The following IRF5 variants were observed in gnomAD, a reference collection of about 807,000 sequenced individuals.
IRF5 encodes the protein interferon regulatory factor 5.
In IRF5, 24 loss-of-function variants were observed where a neutral mutation model predicts 55.1. The observed-to-expected ratio is 0.44, with a 90% CI of 0.32 to 0.61. The LOEUF (loss-of-function observed/expected upper bound fraction) is 0.61. Ranked by LOEUF, IRF5 falls within the 20% of genes least tolerant of loss-of-function variation. The pLI is 0.07. For synonymous variants in IRF5, 258 were observed against 260.2 expected, an observed-to-expected ratio of 0.99 and a Z score of 0.08; for missense variants, 499 against 658.5, an observed-to-expected ratio of 0.76 and a Z score of 2.65.
At position 128,941,973 on chromosome 7, in the gene IRF5, G is replaced by C. The variant is rs1402452373; in HGVS notation, c.-11-98G>C. The C allele has an allele frequency of 4.6e-6, 4 of 867,172 alleles. No individual in the cohort carries two copies. The East Asian group carries it at 1.1e-4, about 23-fold the overall frequency. 53.7% of individuals were successfully genotyped at this position (867,172 alleles called of 1,614,324 possible). On this transcript the variant is annotated intron_variant, in intron 1 of 8. Transcript: ENST00000357234. ...TGGCCTTAAATACCTAGATGGACTG[G>C]AGAGACCATCCTTTGTGGTCCATAG...
chr7:128,947,390 C>T lies in IRF5; in HGVS notation c.642C>T (p.Ser214=). The stretch of plus-strand genomic sequence containing the variant: ...TGGGTCCCCCTGCTCCAGACCCCAG[C>T]CCCCTGGCTCCTCCCCCTGGCAACC... ...VVLGPPAPDP[S]PLAPPPGNPA... The change falls in exon 6 of 9, where the codon AGC becomes AGT. Residue 214 remains serine, a synonymous_variant. Coordinates refer to ENST00000357234, the MANE Select transcript of IRF5 (RefSeq NM_001098629.3). The surrounding 1 kb of genome is among the most constrained non-coding windows in gnomAD (Gnocchi z 6.5). The T allele has an allele frequency of 6.2e-7, 1 of 1,610,086 alleles. No homozygotes were observed. The highest frequency in any genetic ancestry group is 1.1e-5 in the South Asian group (1 of 90,700).
rs1796408322 is a variant in IRF5, at chr7:128,947,848, G to C, written c.907G>C (p.Glu303Gln). The C allele has an allele frequency of 1.9e-6, 3 of 1,613,960 alleles. No homozygotes were observed. The East Asian group carries it at 6.7e-5, about 36-fold the overall frequency. ...SQLEATQEQVELFGPISLEQV... is the reference protein window; with the variant it reads ...SQLEATQEQVQLFGPISLEQV... The stretch of plus-strand genomic sequence containing the variant: ...GCTGGAGGCCACCCAGGAGCAGGTG[G>C]AACTCTTCGGCCCCATAAGCCTGGA... The change falls in exon 7 of 9, where the codon GAA (glutamate) becomes CAA (glutamine). Residue 303 changes from glutamate to glutamine, a missense_variant. Coordinates refer to ENST00000357234, the MANE Select transcript of IRF5 (RefSeq NM_001098629.3). The surrounding 1 kb of genome is among the most constrained non-coding windows in gnomAD (Gnocchi z 6.5).
Position 128,948,133 on chromosome 7 carries a change from A to C in IRF5, c.1180+12A>C. 1 of 1,613,008 alleles carries C rather than the reference A, an allele frequency of 6.2e-7. No individual in the cohort carries two copies. The highest frequency in any genetic ancestry group is 8.5e-7 in the Non-Finnish European group (1 of 1,179,122). ...GCATTTTCTCAATGGTGAGGGCCCA[A>C]AGCTGTGATCCTCCTGGCTGCCTCT... On this transcript the variant is annotated intron_variant, in intron 7 of 8. Coordinates refer to ENST00000357234, the MANE Select transcript of IRF5 (RefSeq NM_001098629.3). This position sits in a 1 kb window ranked among gnomAD's most constrained non-coding sequence, Gnocchi z 4.6.
At chr7:128,945,566 C>T (rs1019470994) in intron 2 of IRF5, among the ~76,000 whole-genome samples, 9 of 152,176 alleles carry the variant, frequency 5.9e-5, no homozygotes, top group African/African-American at 1.9e-4. Context: ...TTATCCCGCA[C>T]GCTGTCCTCC....
At position 128,947,824 on chromosome 7, in the gene IRF5, C is replaced by A. The variant is rs751999369; in HGVS notation, c.883C>A (p.Leu295Met). The A allele has an allele frequency of 1.2e-6, 2 of 1,613,764 alleles. No individual in the cohort carries two copies. The highest frequency in any genetic ancestry group is 1.7e-6 in the Non-Finnish European group (2 of 1,179,940). ...PHGCRLFYSQ[L>M]EATQEQVELF... ...TGGCTGCCGGCTCTTCTACAGCCAGCTGGAGGCCACCCAGGAGCAGGTGGA... is the reference window on the plus strand; with the variant it reads ...TGGCTGCCGGCTCTTCTACAGCCAGATGGAGGCCACCCAGGAGCAGGTGGA... The change falls in exon 7 of 9, where the codon CTG becomes ATG. Residue 295 changes from leucine to methionine, a missense_variant. Transcript: ENST00000357234. This position sits in a 1 kb window ranked among gnomAD's most constrained non-coding sequence, Gnocchi z 6.5.
chr7:128,948,018 G>A lies in IRF5; in HGVS notation c.1077G>A (p.Lys359=). ...ATGCCATCCGCCTGTGTCAGTGCAA[G>A]GTGTTCTGGAGCGGGCCTTGTGCCT... is the stretch of plus-strand genomic sequence containing the variant. ...DLYAIRLCQC[K]VFWSGPCASA... The change falls in exon 7 of 9, where the codon AAG becomes AAA. Residue 359 remains lysine, a synonymous_variant. Coordinates refer to ENST00000357234, the MANE Select transcript of IRF5 (RefSeq NM_001098629.3). The surrounding 1 kb of genome is among the most constrained non-coding windows in gnomAD (Gnocchi z 4.6). 1.2e-6 allele frequency: 2 copies of A among 1,614,198 alleles called. No homozygotes were observed. Among genetic ancestry groups the A allele is most frequent in the South Asian group, 1.1e-5 (1 of 91,088 alleles).
In IRF5 at chr7:128,948,875, G is replaced by A; in HGVS notation, c.*57G>A. ...CCTGGGTGGCGGTGCGGACTGATGT[G>A]GAGATGTGACAGCCCCGATGAGCAC... On this transcript the variant is annotated 3_prime_UTR_variant, in exon 9 of 9. Transcript: ENST00000357234. This position sits in a 1 kb window ranked among gnomAD's most constrained non-coding sequence, Gnocchi z 4.6. 2 of 1,568,110 alleles carry A rather than the reference G, an allele frequency of 1.3e-6. No individual in the cohort carries two copies. The highest frequency in any genetic ancestry group is 1.7e-6 in the Non-Finnish European group (2 of 1,162,824).
chr7:128,946,741 G>C lies in IRF5; in HGVS notation c.447+179G>C. On this transcript the variant is annotated intron_variant, in intron 4 of 8. Transcript: ENST00000357234. This position sits in a 1 kb window ranked among gnomAD's most constrained non-coding sequence, Gnocchi z 4.2. ...ACAGTCCCCACCTGCTCCTTCCCAG[G>C]GCATTGTCATTACCCTGTGTGTGTG... 1 of 636,220 alleles carries C rather than the reference G, an allele frequency of 1.6e-6. No individual in the cohort carries two copies. 39.4% of individuals were successfully genotyped at this position (636,220 alleles called of 1,614,324 possible). A position where few individuals can be genotyped will look rare whatever the true frequency, so the allele number is the denominator to read the frequency against.
Position 128,949,179 on chromosome 7 carries a change from C to G in IRF5, c.*361C>G, listed in dbSNP as rs1057403997. On this transcript the variant is annotated 3_prime_UTR_variant, in exon 9 of 9. Coordinates refer to ENST00000357234, the MANE Select transcript of IRF5 (RefSeq NM_001098629.3). The stretch of plus-strand genomic sequence containing the variant: ...AAAGCCAGAGTGTTGTGGGCCAAGT[C>G]CCCCCACAGGGCCTCTGCAGGGCAT... The G allele has an allele frequency of 3.4e-4, 82 of 239,782 alleles. No individual in the cohort carries two copies. The highest frequency in any genetic ancestry group is 5.0e-4 in the Non-Finnish European group (61 of 122,140). 14.9% of individuals were successfully genotyped at this position (239,782 alleles called of 1,614,324 possible).
Position 128,947,935 on chromosome 7 carries a change from C to T in IRF5, c.994C>T (p.Gln332Ter), listed in dbSNP as rs1159471524. ...TGACAAGCAGCGCTTCTACACGAAC[C>T]AGCTGCTGGATGTCCTGGACCGCGG... is the stretch of plus-strand genomic sequence containing the variant. ...PSDKQRFYTN[Q>*]LLDVLDRGLI... Residue 332 changes from glutamine (Q) to a stop codon, truncating the protein, a stop_gained, in exon 7 of 9, where the codon CAG becomes TAG. Coordinates refer to ENST00000357234, the MANE Select transcript of IRF5 (RefSeq NM_001098629.3). LOFTEE classifies it high-confidence loss of function. This position sits in a 1 kb window ranked among gnomAD's most constrained non-coding sequence, Gnocchi z 6.5. 1 of 1,614,020 alleles carries T rather than the reference C, an allele frequency of 6.2e-7. No homozygotes were observed. The highest frequency in any genetic ancestry group is 8.5e-7 in the Non-Finnish European group (1 of 1,180,038).
rs1358797928 is a variant in IRF5 at position 128,949,051 on chromosome 7, C to T, written c.*233C>T. On this transcript the variant is annotated 3_prime_UTR_variant, in exon 9 of 9. Coordinates refer to ENST00000357234, the MANE Select transcript of IRF5 (RefSeq NM_001098629.3). ...CAGCCTGGCTCTCGGGAAATTCAGC[C>T]ATGAGCAGGGAAAGAACTCTCCCAA... The T allele has an allele frequency of 1.8e-6, 1 of 560,478 alleles. No individual in the cohort carries two copies. The highest frequency in any genetic ancestry group is 3.2e-6 in the Non-Finnish European group (1 of 315,408). The allele number at this position is 560,478 out of a possible 1,614,324, so 34.7% of individuals were successfully genotyped here. A position where few individuals can be genotyped will look rare whatever the true frequency, so the allele number is the denominator to read the frequency against.
Position 128,946,073 on chromosome 7 carries a change from G to A in IRF5, c.385+39G>A. ...CCCTCTGTGGGCCACCTGGGAGGCT[G>A]TGCAATGTCCTGGCCCCCAGCCATG... On this transcript the variant is annotated intron_variant, in intron 3 of 8. Transcript: ENST00000357234. This position sits in a 1 kb window ranked among gnomAD's most constrained non-coding sequence, Gnocchi z 4.2. 6.5e-7 allele frequency: 1 copy of A among 1,530,566 alleles called. No homozygotes were observed. The highest frequency in any genetic ancestry group is 1.3e-5 in the South Asian group (1 of 78,762). The allele number at this position is 1,530,566 out of a possible 1,614,324, so 94.8% of individuals were successfully genotyped here. A position where few individuals can be genotyped will look rare whatever the true frequency, so the allele number is the denominator to read the frequency against.
At chr7:128,942,690 A>G (rs1226667043) in intron 2 of IRF5, among the ~76,000 whole-genome samples, 2 of 151,326 alleles carry the variant, frequency 1.3e-5, no homozygotes, top group Non-Finnish European at 1.5e-5. Context: ...CCTTCCCATA[A>G]CTCGTCCTAC....
intron 2 of IRF5, among the ~76,000 whole-genome samples, chr7:128,944,499 CA>C (rs1466928837): frequency 6.6e-6 from 1 of 152,118 alleles, no homozygotes; most frequent in Non-Finnish European, 1.5e-5. Flanking sequence ...ATAGGTAATA[CA>C]GTCACAAAAT....
At chr7:128,942,537 C>T (rs1273664533) in intron 2 of IRF5, among the ~76,000 whole-genome samples, 1 of 151,870 alleles carries the variant, frequency 6.6e-6, no homozygotes. Context: ...ACTGCAACCT[C>T]TGCCTCCTGG....
In IRF5 at chr7:128,948,389, G is replaced by A; in HGVS notation, c.1299+61G>A. 1 of 1,496,390 alleles carries A rather than the reference G, an allele frequency of 6.7e-7. No individual in the cohort carries two copies. The highest frequency in any genetic ancestry group is 9.0e-7 in the Non-Finnish European group (1 of 1,105,346). 92.7% of individuals were successfully genotyped at this position (1,496,390 alleles called of 1,614,324 possible). ...GAAAACTGGGGAATCCTGGGGCTAG[G>A]CCCTTGCCCCAGGCTGGAGGCTCAG... On this transcript the variant is annotated intron_variant, in intron 8 of 8. Coordinates refer to ENST00000357234, the MANE Select transcript of IRF5 (RefSeq NM_001098629.3). This position sits in a 1 kb window ranked among gnomAD's most constrained non-coding sequence, Gnocchi z 4.6.
At chr7:128,940,750 T>A (rs912516262) in intron 1 of IRF5, 1 of 152,368 alleles carries the variant, frequency 6.6e-6, no homozygotes, top group African/African-American at 2.4e-5. Context: ...TCCCAGCCCC[T>A]GGGCCAGGCA....
chr7:128,939,622 C>T (rs1381882210), intron 1 of IRF5, among the ~76,000 whole-genome samples: 1 of 152,172 alleles, frequency 6.6e-6, no homozygotes, highest in African/African-American at 2.4e-5. Flanking sequence ...GGCACTTCCT[C>T]CCCTAGTGGG....
In IRF5 at chr7:128,942,241, G is replaced by A; in HGVS notation, c.160G>A (p.Gly54Ser). The change falls in exon 2 of 9, where the codon GGT (glycine) becomes AGT (serine). Residue 54 changes from glycine (G) to serine (S), a missense_variant. Physicochemically the swap from Gly to Ser is moderately conservative, Grantham distance 56. This residue lies in a region of IRF5 where 305 missense variants were observed against 340.2 expected (regional missense o/e 0.90). Coordinates refer to ENST00000357234, the MANE Select transcript of IRF5 (RefSeq NM_001098629.3). ...CCCCTGGAGGCATGCCACAAGGCAT[G>A]GTCCCAGCCAGGACGGAGATAACAC... ...CIPWRHATRH[G>S]PSQDGDNTIF... 6.2e-7 allele frequency: 1 copy of A among 1,613,746 alleles called. No homozygotes were observed. The highest frequency in any genetic ancestry group is 2.2e-5 in the East Asian group (1 of 44,836).
Sources: allele counts gnomAD v4.1 joint callset (sites outside exome capture counted in the v4.1 genomes callset), GRCh38; gene constraint gnomAD v4.1.1; regional missense constraint gnomAD v4.1.1; non-coding constraint Gnocchi (gnomAD v3.1); transcripts MANE v1.5; gene names NCBI Gene and HGNC (gene_info 2026-07-23, HGNC 2026-07-21).